Variants in SKAP1 observed in about 807,000 individuals in gnomAD.
SKAP1 encodes the protein src kinase associated phosphoprotein 1.
In SKAP1, 44 loss-of-function variants were observed where a neutral mutation model predicts 58.5. That is an observed-to-expected ratio of 0.75 (90% confidence interval 0.59 to 0.97). The LOEUF (loss-of-function observed/expected upper bound fraction) is 0.97. Ranked by LOEUF, SKAP1 falls within the 50% of genes least tolerant of loss-of-function variation. The pLI, the probability that SKAP1 is intolerant of heterozygous loss-of-function variation, is 0.00. For synonymous variants in SKAP1, 127 were observed against 149.7 expected (o/e 0.85, Z 1.11); for missense variants, 390 against 435.2 (o/e 0.90, Z 0.92).
At chr17:48,301,944 C>T (rs2066063453) in intron 4 of SKAP1, among the ~76,000 whole-genome samples, 1 of 151,930 alleles carries the variant, frequency 6.6e-6, no homozygotes, top group South Asian at 2.1e-4. Context: ...TTGTACACAA[C>T]AAAATTTTTA....
chr17:48,311,251 A>C (rs1168769833), intron 4 of SKAP1, among the ~76,000 whole-genome samples: 1 of 152,178 alleles, frequency 6.6e-6, no homozygotes, highest in East Asian at 1.9e-4. Flanking sequence ...ACGGATATGG[A>C]ACTGCTGATT....
intron 1 of SKAP1, among the ~76,000 whole-genome samples, chr17:48,399,611 TA>T (rs2067469607): frequency 6.6e-6 from 1 of 151,904 alleles, no homozygotes; most frequent in Non-Finnish European, 1.5e-5. Context: ...AGATAATTTT[TA>T]AAAAATTGGC....
At chr17:48,324,541 A>T (rs2144237420) in intron 4 of SKAP1, among the ~76,000 whole-genome samples, 1 of 152,148 alleles carries the variant, frequency 6.6e-6, no homozygotes, top group South Asian at 2.1e-4. Context: ...CACTGTATGT[A>T]CTGTCTTATA....
chr17:48,430,306 G>T, upstream of SKAP1: 1 of 309,834 alleles, frequency 3.2e-6, no homozygotes, highest in South Asian at 1.5e-4. Context: ...GCGGCAGGCG[G>T]GGACCGGAAC....
intron 1 of SKAP1, among the ~76,000 whole-genome samples, chr17:48,414,387 G>GTTTAGAGAGATCATCATA (rs1424061832): frequency 3.3e-5 from 5 of 152,168 alleles, no homozygotes; most frequent in African/African-American, 7.2e-5. Flanking sequence ...AGGTCCAGAG[G>GTTTAGAGAGATCATCATA]TGAGAGATCA....
chr17:48,191,527 A>G (rs1359132676), intron 4 of SKAP1, among the ~76,000 whole-genome samples: 1 of 152,242 alleles, frequency 6.6e-6, no homozygotes, highest in African/African-American at 2.4e-5. Context: ...CATTTCCTAC[A>G]ATAACATTTA....
chr17:48,391,784 CTTT>C (rs35958466), intron 2 of SKAP1, among the ~76,000 whole-genome samples: 36 of 130,854 alleles, frequency 2.8e-4, no homozygotes, highest in African/African-American at 4.0e-4. Flanking sequence ...CTACCTCTTC[CTTT>C]TTTTTTTTTT....
chr17:48,156,037 C>T (rs1254745132), intron 11 of SKAP1, among the ~76,000 whole-genome samples: 1 of 152,178 alleles, frequency 6.6e-6, no homozygotes, highest in Non-Finnish European at 1.5e-5. Context: ...GTTGTTGAAC[C>T]CCTGCCAAGT....
At chr17:48,391,262 C>G (rs2067341824) in intron 2 of SKAP1, among the ~76,000 whole-genome samples, 1 of 151,950 alleles carries the variant, frequency 6.6e-6, no homozygotes. Context: ...TTCCAGATAG[C>G]CTCACATATG....
intron 4 of SKAP1, among the ~76,000 whole-genome samples, chr17:48,300,418 A>G (rs891860335): frequency 1.3e-5 from 2 of 152,182 alleles, no homozygotes; most frequent in Admixed American, 6.5e-5. Context: ...AATGGGCTAC[A>G]GGTATTTTTG....
At chr17:48,304,535 T>C (rs2144144967) in intron 4 of SKAP1, among the ~76,000 whole-genome samples, 1 of 152,326 alleles carries the variant, frequency 6.6e-6, no homozygotes, top group South Asian at 2.1e-4. Flanking sequence ...AATGGGCTTC[T>C]GCTGTATCAC....
At chr17:48,213,187 C>A (rs2064895341) in intron 4 of SKAP1, among the ~76,000 whole-genome samples, 1 of 151,820 alleles carries the variant, frequency 6.6e-6, no homozygotes, top group Non-Finnish European at 1.5e-5. Flanking sequence ...ACTAAATATA[C>A]AAAAATTAGC....
chr17:48,333,881 AT>A (rs1363768676), intron 4 of SKAP1, among the ~76,000 whole-genome samples: 1 of 152,026 alleles, frequency 6.6e-6, no homozygotes, highest in Non-Finnish European at 1.5e-5. Flanking sequence ...CATGTAATAG[AT>A]TCCACATGAA....
chr17:48,151,876 T>C (rs1326186772), intron 11 of SKAP1, among the ~76,000 whole-genome samples: 1 of 152,222 alleles, frequency 6.6e-6, no homozygotes, highest in Admixed American at 6.5e-5. Flanking sequence ...GTTTCCTTAA[T>C]GAAACTGGAG....
chr17:48,219,664 A>T (rs2064978691), intron 4 of SKAP1, among the ~76,000 whole-genome samples: 1 of 152,148 alleles, frequency 6.6e-6, no homozygotes, highest in Non-Finnish European at 1.5e-5. Flanking sequence ...TCTTAGAATT[A>T]TTATTGATGA....
chr17:48,444,375 G>A, the SKAP1 span, among the ~76,000 whole-genome samples: 9 of 152,162 alleles, frequency 5.9e-5, no homozygotes, highest in Non-Finnish European at 5.9e-5. Context: ...GGGCAATAGG[G>A]TGAGACTCCG....
At chr17:48,270,845 A>G (rs1188742531) in intron 4 of SKAP1, among the ~76,000 whole-genome samples, 9 of 151,886 alleles carry the variant, frequency 5.9e-5, no homozygotes. Context: ...TGATGGATAC[A>G]TAGGTTGTTT....
intron 2 of SKAP1, among the ~76,000 whole-genome samples, chr17:48,389,583 T>C (rs1363197644): frequency 6.6e-6 from 1 of 152,230 alleles, no homozygotes. Context: ...AATATGGATG[T>C]CTAGCACTCG....
chr17:48,176,654 G>A (rs926424944), intron 9 of SKAP1, among the ~76,000 whole-genome samples: 2 of 152,286 alleles, frequency 1.3e-5, no homozygotes, highest in Middle Eastern at 3.4e-3. Context: ...CAGGACTAAC[G>A]TTTTTGTGGC....
Sources: allele counts gnomAD v4.1 joint callset (sites outside exome capture counted in the v4.1 genomes callset), GRCh38; gene constraint gnomAD v4.1.1; transcripts MANE v1.5; gene names NCBI Gene and HGNC (gene_info 2026-07-23, HGNC 2026-07-21).